CNNM2: variants seen among roughly 807,000 people sequenced by gnomAD.
CNNM2 encodes the protein cyclin and CBS domain divalent metal cation transport mediator 2, also known as metal transporter CNNM2.
Under a neutral mutation model 66.9 loss-of-function variants are expected in CNNM2, and 12 were observed. The ratio of observed to expected loss-of-function variants is 0.18; its 90% CI spans 0.11 to 0.29. The LOEUF (loss-of-function observed/expected upper bound fraction) is 0.29, where lower values mean the gene tolerates loss of function less well. Among genes scored for constraint, CNNM2 ranks in the 10% least tolerant of loss-of-function variants. CNNM2 has a pLI of 1.00. For missense variants in CNNM2, 705 were observed against 1,167.7 expected (o/e 0.60, Z 5.77); for synonymous variants, 557 against 501.8 (o/e 1.11, Z -1.47).
At position 102,919,517 on chromosome 10, in the gene CNNM2, T is replaced by C. The variant is rs1064794775; in HGVS notation, c.1037T>C (p.Val346Ala). 1 of 1,613,090 alleles carries C rather than the reference T, an allele frequency of 6.2e-7. No individual in the cohort carries two copies. Among genetic ancestry groups the C allele is most frequent in the Non-Finnish European group, 8.5e-7 (1 of 1,180,030 alleles). Residue 346 changes from valine (V) to alanine (A), a missense_variant, in exon 1 of 8, where the codon GTA becomes GCA. By Grantham distance (64) the Val-to-Ala change is moderately conservative (BLOSUM62 0). Transcript: ENST00000369878. ...DIAGSGLVAVVVSTIGIVIFG... is the reference protein window; with the variant it reads ...DIAGSGLVAVAVSTIGIVIFG... ...GCCGGCTCGGGCCTCGTGGCCGTGG[T>C]AGTCTCCACCATCGGTATCGTCATC...
chr10:103,063,013 T>C (rs1590485975), intron 4 of CNNM2, among the ~76,000 whole-genome samples: 1 of 152,310 alleles, frequency 6.6e-6, no homozygotes, highest in East Asian at 1.9e-4. Flanking sequence ...GTAGCAAGGC[T>C]TAGCTGTGAT....
intron 1 of CNNM2, among the ~76,000 whole-genome samples, chr10:102,977,470 A>G (rs894374937): frequency 2.0e-5 from 3 of 152,158 alleles, no homozygotes; most frequent in African/African-American, 7.2e-5. Flanking sequence ...TAGTTCCCTT[A>G]TGATTTGAGG....
At chr10:102,945,359 TA>T (rs1227288798) in intron 1 of CNNM2, among the ~76,000 whole-genome samples, 1 of 152,202 alleles carries the variant, frequency 6.6e-6, no homozygotes, top group Admixed American at 6.5e-5. Context: ...GATTCTTATC[TA>T]GTGCTATTTC....
chr10:103,024,836 G>C lies in CNNM2; in HGVS notation c.1622-24871G>C, dbSNP rs148115608. 5.1e-4 allele frequency among the ~76,000 whole-genome samples: 77 copies of C among 152,216 alleles called. No individual in the cohort carries two copies. Among genetic ancestry groups the C allele is most frequent in the Middle Eastern group, 3.4e-3 (1 of 294 alleles). On this transcript the variant is annotated intron_variant, in intron 1 of 7. Coordinates refer to ENST00000369878, the MANE Select transcript of CNNM2 (RefSeq NM_017649.5). ...TTTTGTAGAGTGCCCTACATTTGGG[G>C]CTTGTATGATTGTTTTGTCATTGTA... is the stretch of plus-strand genomic sequence containing the variant.
chr10:102,955,155 G>A, intron 1 of CNNM2, among the ~76,000 whole-genome samples: 1 of 152,150 alleles, frequency 6.6e-6, no homozygotes, highest in East Asian at 1.9e-4. Flanking sequence ...AACCAAAACA[G>A]CATGGTACTG....
chr10:102,994,911 C>G (rs1009373118), intron 1 of CNNM2, among the ~76,000 whole-genome samples: 2 of 152,208 alleles, frequency 1.3e-5, no homozygotes, highest in Non-Finnish European at 2.9e-5. Context: ...CTGGAAGAGG[C>G]TCTTGAGCCT....
In CNNM2 at chr10:103,077,843, G is replaced by C. The variant is rs975235089; in HGVS notation, c.*663G>C. The C allele has an allele frequency of 6.6e-6, 1 of 152,650 alleles. No individual in the cohort carries two copies. The highest frequency in any genetic ancestry group is 2.4e-5 in the African/African-American group (1 of 41,442). The allele number at this position is 152,650 out of a possible 1,614,324, so 9.5% of individuals were successfully genotyped here. A position where few individuals can be genotyped will look rare whatever the true frequency, so the allele number is the denominator to read the frequency against. On this transcript the variant is annotated 3_prime_UTR_variant, in exon 8 of 8. Transcript: ENST00000369878. ...TATTTTGAGAATTTAATGTTTAACT[G>C]TACCCCTTTCCCTCAGGAAGATTTA...
chr10:103,020,706 A>T (rs1333327677), intron 1 of CNNM2, among the ~76,000 whole-genome samples: 2 of 152,262 alleles, frequency 1.3e-5, no homozygotes, highest in South Asian at 2.1e-4. Flanking sequence ...GGCAAATAAG[A>T]TGAGGTGAGA....
chr10:103,001,165 G>A (rs2064114640), intron 1 of CNNM2, among the ~76,000 whole-genome samples: 1 of 152,134 alleles, frequency 6.6e-6, no homozygotes, highest in Admixed American at 6.6e-5. Context: ...TATTAGGGTG[G>A]TTGTCAGGGG....
At chr10:102,932,745 C>A (rs1218192268) in intron 1 of CNNM2, among the ~76,000 whole-genome samples, 1 of 151,796 alleles carries the variant, frequency 6.6e-6, no homozygotes, top group African/African-American at 2.4e-5. Context: ...TGGTGAAACC[C>A]CGTCTCTACT....
Position 103,002,453 on chromosome 10 carries a change from G to A in CNNM2, c.1622-47254G>A, listed in dbSNP as rs534781533. 6.6e-5 allele frequency among the ~76,000 whole-genome samples: 10 copies of A among 151,468 alleles called. No homozygotes were observed. The South Asian group carries it at 8.4e-4, about 13-fold the overall frequency. On this transcript the variant is annotated intron_variant, in intron 1 of 7. Transcript: ENST00000369878. ...AAAAAGATAACAAGCCTGGGCTGGC[G>A]AGGATGTGGCTGACAAGACTGGAAT...
At chr10:103,056,032 G>T (rs569002075) in intron 3 of CNNM2, among the ~76,000 whole-genome samples, 4 of 151,284 alleles carry the variant, frequency 2.6e-5, no homozygotes, top group Admixed American at 1.3e-4. Context: ...CGGTTGCAGT[G>T]AGCCGAGATT....
chr10:102,964,615 C>T (rs1011330618), intron 1 of CNNM2, among the ~76,000 whole-genome samples: 1 of 152,120 alleles, frequency 6.6e-6, no homozygotes, highest in Non-Finnish European at 1.5e-5. Flanking sequence ...TTACCTGGAC[C>T]ACCTACTCAG....
At chr10:102,999,516 G>T (rs2064074045) in intron 1 of CNNM2, among the ~76,000 whole-genome samples, 2 of 152,150 alleles carry the variant, frequency 1.3e-5, no homozygotes, top group Admixed American at 6.5e-5. Flanking sequence ...AACATTAAAA[G>T]AAATTAAAGA....
intron 1 of CNNM2, among the ~76,000 whole-genome samples, chr10:103,004,252 C>A (rs1303528730): frequency 3.9e-5 from 6 of 152,162 alleles, no homozygotes; most frequent in Non-Finnish European, 8.8e-5. Flanking sequence ...ATCTGCCCGC[C>A]TCAGCCTCCC....
rs141277025 is a variant in CNNM2, at chr10:102,994,184, G to A, written c.1622-55523G>A. On this transcript the variant is annotated intron_variant, in intron 1 of 7. Coordinates refer to ENST00000369878, the MANE Select transcript of CNNM2 (RefSeq NM_017649.5). ...ACCCCTGACCTCAAGTGATCCACCC[G>A]CCTTGGGCTCCCAAAGTGCTGGGAT... Among the ~76,000 whole-genome samples, 232 of 152,252 alleles carry A rather than the reference G, an allele frequency of 1.5e-3. 1 individual carries two copies. Among genetic ancestry groups the A allele is most frequent in the African/African-American group, 5.4e-3 (224 of 41,536 alleles).
chr10:102,940,529 CTG>C (rs1225320953), intron 1 of CNNM2, among the ~76,000 whole-genome samples: 4 of 150,712 alleles, frequency 2.7e-5, no homozygotes, highest in African/African-American at 9.8e-5. Flanking sequence ...CACCATTCTC[CTG>C]TCTCAGCCTC....
rs2065271202 is a variant in CNNM2, at chr10:103,054,819, C to T, written c.1903+353C>T. On this transcript the variant is annotated intron_variant, in intron 3 of 7. Transcript: ENST00000369878. The surrounding 1 kb of genome is among the most constrained non-coding windows in gnomAD (Gnocchi z 5.2). ...TCCGTGGGAGAGCCAGCTGGCGGAGCAGGCTGATGGTGCCAGCCTGGCACC... is the reference window on the plus strand; with the variant it reads ...TCCGTGGGAGAGCCAGCTGGCGGAGTAGGCTGATGGTGCCAGCCTGGCACC... 6.6e-6 allele frequency among the ~76,000 whole-genome samples: 1 copy of T among 152,156 alleles called. No homozygotes were observed. The highest frequency in any genetic ancestry group is 2.4e-5 in the African/African-American group (1 of 41,424).
chr10:103,038,120 G>A (rs929248235), intron 1 of CNNM2, among the ~76,000 whole-genome samples: 5 of 152,112 alleles, frequency 3.3e-5, no homozygotes, highest in South Asian at 2.1e-4. Context: ...GATTACAGGC[G>A]TTGAGTCACC....
Sources: gnomAD v4.1 joint callset for allele counts (sites outside exome capture counted in the v4.1 genomes callset) on GRCh38, gnomAD v4.1.1 for gene constraint, Gnocchi (gnomAD v3.1) non-coding constraint, MANE v1.5 for transcripts, NCBI Gene and HGNC (gene_info 2026-07-23, HGNC 2026-07-21) for gene names.